Variants in COMMD6 observed in about 807,000 individuals in gnomAD.
COMMD6 encodes the protein COMM domain-containing protein 6.
In COMMD6, 11 loss-of-function variants were observed where a neutral mutation model predicts 13.4. The ratio of observed to expected loss-of-function variants is 0.82; its 90% CI spans 0.52 to 1.36. The LOEUF is 1.36. COMMD6 is among the 40% of genes most tolerant of loss of function. COMMD6 has a pLI of 0.00. For missense variants in COMMD6, 124 were observed against 102.4 expected (o/e 1.21, Z -0.91); for synonymous variants, 43 against 36.5 (o/e 1.18, Z -0.64).
chr13:75,533,105 G>C (rs2030544909), intron 2 of COMMD6, among the ~76,000 whole-genome samples: 1 of 151,612 alleles, frequency 6.6e-6, no homozygotes, highest in Admixed American at 6.6e-5. Flanking sequence ...TAATTTTTTT[G>C]TATTTTTAGT....
At chr13:75,545,968 T>A (rs1325228700) in intron 1 of COMMD6, among the ~76,000 whole-genome samples, 2 of 152,182 alleles carry the variant, frequency 1.3e-5, no homozygotes, top group African/African-American at 4.8e-5. Context: ...TTGTACATTT[T>A]AAAAATAACT....
chr13:75,528,000 A>AGC (rs1380277783), intron 3 of COMMD6: 5 of 472,414 alleles, frequency 1.1e-5, no homozygotes, highest in Non-Finnish European at 1.5e-5. Flanking sequence ...ACATGCCCTC[A>AGC]GCACACACAC....
At chr13:75,545,632 T>C (rs1244371820) in intron 1 of COMMD6, among the ~76,000 whole-genome samples, 1 of 152,004 alleles carries the variant, frequency 6.6e-6, no homozygotes, top group Non-Finnish European at 1.5e-5. Flanking sequence ...CCACCACGCC[T>C]GGTTAATTTT....
intron 3 of COMMD6, among the ~76,000 whole-genome samples, chr13:75,529,218 T>G (rs1374387601): frequency 6.6e-6 from 1 of 152,036 alleles, no homozygotes; most frequent in Non-Finnish European, 1.5e-5. Context: ...ATCTCCAGTA[T>G]GTACATTTAA....
intron 2 of COMMD6, among the ~76,000 whole-genome samples, chr13:75,532,713 C>G (rs780735217): frequency 6.6e-6 from 1 of 152,120 alleles, no homozygotes; most frequent in South Asian, 2.1e-4. Context: ...CGCCTGTAGT[C>G]TTAATTTATC....
At chr13:75,529,181 A>G (rs943265446) in intron 3 of COMMD6, among the ~76,000 whole-genome samples, 2 of 152,200 alleles carry the variant, frequency 1.3e-5, no homozygotes, top group Admixed American at 6.5e-5. Context: ...ACAAAACTGT[A>G]CAGGACAGTT....
chr13:75,528,226 AT>A (rs1003872168), intron 3 of COMMD6, among the ~76,000 whole-genome samples: 3 of 149,990 alleles, frequency 2.0e-5, no homozygotes, highest in Non-Finnish European at 3.0e-5. Context: ...TCCAATTGTG[AT>A]TTTTTTTTTC....
intron 2 of COMMD6, 21 bp downstream of exon 2, chr13:75,537,643 G>A (rs550239500): frequency 2.5e-6 from 4 of 1,613,842 alleles, no homozygotes; most frequent in African/African-American, 1.3e-5. Flanking sequence ...GGAGGACAGG[G>A]CGGGGCGGCC....
chr13:75,532,473 T>C (rs1055143344), intron 2 of COMMD6, among the ~76,000 whole-genome samples: 1 of 152,358 alleles, frequency 6.6e-6, no homozygotes, highest in Middle Eastern at 3.4e-3. Context: ...AATAAATGCT[T>C]AATAAATATT....
chr13:75,543,127 C>A (rs550161954), upstream of COMMD6, among the ~76,000 whole-genome samples: 9 of 152,288 alleles, frequency 5.9e-5, no homozygotes, highest in African/African-American at 1.9e-4. Context: ...GAGCTAAACA[C>A]TGAGTATACA....
chr13:75,537,437 T>C, intron 2 of COMMD6: 1 of 1,551,428 alleles, frequency 6.4e-7, no homozygotes, highest in Non-Finnish European at 8.7e-7. Context: ...ATCCTTGATC[T>C]GCATTCTTCG....
rs190259017 is a variant in COMMD6, at chr13:75,527,150, A to G, written c.208-511T>C. On this transcript the variant is annotated intron_variant, in intron 3 of 3. Coordinates refer to ENST00000682242, the MANE Select transcript of COMMD6 (RefSeq NM_203495.4). ...GTATAACGGTTCTCCTATAGAAGTC[A>G]TCTTCTTTTAAATCTCAGGTAAGAA... 1.9e-3 allele frequency among the ~76,000 whole-genome samples: 286 copies of G among 152,312 alleles called. 2 individuals are homozygous for G. The highest frequency in any genetic ancestry group is 3.2e-3 in the Non-Finnish European group (220 of 68,020).
chr13:75,545,823 T>G (rs1199818842), intron 1 of COMMD6, among the ~76,000 whole-genome samples: 1 of 152,170 alleles, frequency 6.6e-6, no homozygotes, highest in Non-Finnish European at 1.5e-5. Flanking sequence ...GTGACTCAGT[T>G]GTTTTTGCAG....
intron 2 of COMMD6, among the ~76,000 whole-genome samples, chr13:75,536,982 T>A (rs931853101): frequency 6.6e-6 from 1 of 152,166 alleles, no homozygotes; most frequent in Admixed American, 6.5e-5. Flanking sequence ...GAAAGCAAGA[T>A]CAGTTAGAGA....
rs757955901 is a variant in COMMD6 at position 75,537,784 on chromosome 13, G to A, written c.22C>T (p.Pro8Ser). The A allele has an allele frequency of 1.5e-5, 24 of 1,611,132 alleles. No individual in the cohort carries two copies. The highest frequency in any genetic ancestry group is 1.4e-5 in the Non-Finnish European group (17 of 1,177,996). MEASSEPPLDAKSDVTNQ... is the reference protein window; with the variant it reads MEASSEPSLDAKSDVTNQ... The stretch of plus-strand genomic sequence containing the variant: ...CTCACATCGGACTTAGCATCCAGCG[G>A]CGGCTCGCTGGACGCCTCCATGGGC... Residue 8 changes from proline to serine, a missense_variant, in exon 1 of 4, where the codon CCG (proline) becomes TCG (serine). Pro to Ser is a moderately conservative substitution (Grantham distance 74). Transcript: ENST00000682242.
upstream of COMMD6, among the ~76,000 whole-genome samples, chr13:75,538,138 C>G (rs1217769399): frequency 6.6e-6 from 1 of 152,214 alleles, no homozygotes; most frequent in African/African-American, 2.4e-5. Flanking sequence ...CACAGCATCC[C>G]GCTGCGCGGC....
At position 75,548,715 on chromosome 13, in the gene COMMD6, T is replaced by C. The variant is rs558544750; in HGVS notation, n.106+608A>G. 4.6e-5 allele frequency among the ~76,000 whole-genome samples: 7 copies of C among 152,350 alleles called. No individual in the cohort carries two copies. In the East Asian group the frequency reaches 1.4e-3, roughly 29 times the overall value. On this transcript the variant is annotated intron_variant and non_coding_transcript_variant, in intron 1 of 2. Transcript: ENST00000460675. ...TCAGATGTTTACCGAGCATTTTCTA[T>C]GTATCATGCACTGGGTTAGGCCCTG... is the stretch of plus-strand genomic sequence containing the variant.
intron 3 of COMMD6, chr13:75,527,956 T>G: frequency 2.4e-6 from 3 of 1,266,636 alleles, no homozygotes; most frequent in Non-Finnish European, 2.1e-6. Flanking sequence ...GTAATATTGT[T>G]ATTGTTTACT....
chr13:75,527,874 T>C, intron 3 of COMMD6: 3 of 1,501,504 alleles, frequency 2.0e-6, no homozygotes, highest in Non-Finnish European at 2.7e-6. Flanking sequence ...GGGGAAATGT[T>C]AGTAAAAAGG....
Sources: gnomAD v4.1 joint callset for allele counts (sites outside exome capture counted in the v4.1 genomes callset) on GRCh38, gnomAD v4.1.1 for gene constraint, MANE v1.5 for transcripts, NCBI Gene and HGNC (gene_info 2026-07-23, HGNC 2026-07-21) for gene names.